Variants in ARHGAP35 observed in about 807,000 individuals in gnomAD.
ARHGAP35 encodes rho GTPase-activating protein 35.
Under a neutral mutation model 111.1 loss-of-function variants are expected in ARHGAP35, and 15 were observed. The ratio of observed to expected loss-of-function variants is 0.13; its 90% CI spans 0.09 to 0.21. ARHGAP35 has a LOEUF of 0.21. Ranked by LOEUF, ARHGAP35 falls within the 10% of genes least tolerant of loss-of-function variation. The pLI, the probability that ARHGAP35 is intolerant of heterozygous loss-of-function variation, is 1.00. For missense variants in ARHGAP35, 1,262 were observed against 1,873.0 expected (o/e 0.67, Z 6.02); for synonymous variants, 643 against 710.3 (o/e 0.91, Z 1.51).
intron 1 of ARHGAP35, among the ~76,000 whole-genome samples, 168 bp downstream of exon 1, chr19:46,861,377 C>T (rs1379788476): frequency 6.7e-6 from 1 of 149,756 alleles, no homozygotes; most frequent in Admixed American, 6.6e-5. Context: ...CCGCCGTCCC[C>T]GTCGCTTCGC....
chr19:46,915,929 CT>C (rs869240851), intron 1 of ARHGAP35, among the ~76,000 whole-genome samples: 1,664 of 113,574 alleles, frequency 0.015, 9 homozygotes, highest in African/African-American at 0.025. Context: ...AATCCAAACT[CT>C]TTTTTTTTTT....
intron 1 of ARHGAP35, among the ~76,000 whole-genome samples, chr19:46,890,149 T>TA (rs1341857688): frequency 9.9e-5 from 15 of 152,228 alleles, no homozygotes; most frequent in Non-Finnish European, 2.2e-4. Context: ...GTCTCCGTTT[T>TA]ACTTTACTGT....
intron 3 of ARHGAP35, among the ~76,000 whole-genome samples, chr19:46,942,268 T>A (rs1599836642): frequency 6.6e-6 from 1 of 152,238 alleles, no homozygotes; most frequent in Admixed American, 6.5e-5. Context: ...TATACACATA[T>A]ATTTATTTTC....
chr19:46,929,025 G>A (rs1599826327), intron 2 of ARHGAP35, among the ~76,000 whole-genome samples: 1 of 151,990 alleles, frequency 6.6e-6, no homozygotes, highest in African/African-American at 2.4e-5. Flanking sequence ...GGGATGACAG[G>A]AAGGCCAGGA....
chr19:46,916,727 A>ATT (rs35636080), intron 1 of ARHGAP35, among the ~76,000 whole-genome samples: 14 of 150,058 alleles, frequency 9.3e-5, no homozygotes, highest in South Asian at 4.2e-4. Context: ...AGATTCATCT[A>ATT]TTTTTTTTTT....
intron 3 of ARHGAP35, among the ~76,000 whole-genome samples, chr19:46,971,730 C>T (rs1415407540): frequency 6.6e-6 from 1 of 151,938 alleles, no homozygotes; most frequent in African/African-American, 2.4e-5. Context: ...AAACTCCTGA[C>T]CTTGTGATCT....
chr19:46,934,879 C>T (rs1680055532), intron 2 of ARHGAP35, among the ~76,000 whole-genome samples: 1 of 150,922 alleles, frequency 6.6e-6, no homozygotes, highest in Non-Finnish European at 1.5e-5. Context: ...CACCATGTTG[C>T]CCAGGCTGGT....
At chr19:46,868,450 C>T (rs1295853404) in intron 1 of ARHGAP35, among the ~76,000 whole-genome samples, 2 of 152,126 alleles carry the variant, frequency 1.3e-5, no homozygotes, top group Non-Finnish European at 2.9e-5. Flanking sequence ...GGGATGTGAT[C>T]CTGTATTAAT....
chr19:46,911,916 A>G (rs912112423), intron 1 of ARHGAP35, among the ~76,000 whole-genome samples: 10 of 152,230 alleles, frequency 6.6e-5, no homozygotes, highest in Admixed American at 6.5e-4. Context: ...ATTCAAAAGG[A>G]AAAACAAAAA....
intron 1 of ARHGAP35, among the ~76,000 whole-genome samples, chr19:46,886,262 C>T (rs1248383186): frequency 6.6e-6 from 1 of 152,178 alleles, no homozygotes; most frequent in Non-Finnish European, 1.5e-5. Context: ...ATGGTAACCA[C>T]CAGTCACGTG....
At chr19:46,892,302 CAAA>C (rs1211422406) in intron 1 of ARHGAP35, among the ~76,000 whole-genome samples, 1 of 63,752 alleles carries the variant, frequency 1.6e-5, no homozygotes, top group Non-Finnish European at 3.2e-5. Context: ...GACTTTGTCT[CAAA>C]AAAAAAAAAA....
intron 1 of ARHGAP35, among the ~76,000 whole-genome samples, chr19:46,892,144 A>G (rs1273958096): frequency 6.7e-6 from 1 of 149,982 alleles, no homozygotes; most frequent in Non-Finnish European, 1.5e-5. Flanking sequence ...AAAAAAAAAA[A>G]AAAGAAAAAT....
At chr19:46,971,522 C>T (rs774260588) in intron 3 of ARHGAP35, among the ~76,000 whole-genome samples, 1 of 149,866 alleles carries the variant, frequency 6.7e-6, no homozygotes, top group South Asian at 2.1e-4. Context: ...TTTTTTGAGA[C>T]GGAGTCTTGC....
chr19:46,912,498 T>C (rs962242533), intron 1 of ARHGAP35, among the ~76,000 whole-genome samples: 5 of 151,912 alleles, frequency 3.3e-5, no homozygotes, highest in Non-Finnish European at 4.4e-5. Flanking sequence ...GGACTACAGG[T>C]GCCCACCACC....
At chr19:46,931,455 C>T (rs2056272504) in intron 2 of ARHGAP35, among the ~76,000 whole-genome samples, 1 of 152,130 alleles carries the variant, frequency 6.6e-6, no homozygotes, top group South Asian at 2.1e-4. Flanking sequence ...GATGCAGCTT[C>T]CTACTCTGCC....
chr19:46,987,768 CA>C (rs1361015215), intron 3 of ARHGAP35, among the ~76,000 whole-genome samples: 2 of 151,788 alleles, frequency 1.3e-5, no homozygotes, highest in African/African-American at 4.8e-5. Context: ...CCATTTTTAC[CA>C]AAAAACAAAT....
chr19:46,873,127 G>T (rs1475769720), intron 1 of ARHGAP35, among the ~76,000 whole-genome samples: 2 of 151,986 alleles, frequency 1.3e-5, no homozygotes, highest in Non-Finnish European at 2.9e-5. Flanking sequence ...GACTTCTCTG[G>T]CCGACTTTAC....
intron 3 of ARHGAP35, among the ~76,000 whole-genome samples, chr19:46,979,700 A>G (rs1167095664): frequency 2.0e-5 from 3 of 152,180 alleles, no homozygotes; most frequent in Non-Finnish European, 2.9e-5. Context: ...CCGTGTGCGC[A>G]TCGCTGGCAT....
At chr19:46,938,347 A>G (rs1024516696) in intron 3 of ARHGAP35, among the ~76,000 whole-genome samples, 2 of 151,420 alleles carry the variant, frequency 1.3e-5, no homozygotes, top group Non-Finnish European at 2.9e-5. Flanking sequence ...TTATTATTTT[A>G]TTTTTATTTT....
Sources: allele counts gnomAD v4.1 joint callset (sites outside exome capture counted in the v4.1 genomes callset), GRCh38; gene constraint gnomAD v4.1.1; transcripts MANE v1.5; gene names NCBI Gene and HGNC (gene_info 2026-07-23, HGNC 2026-07-21).